LEKR1: variants seen among roughly 807,000 people sequenced by gnomAD.
LEKR1 encodes protein LEKR1.
In LEKR1, 59 loss-of-function variants were observed where a neutral mutation model predicts 72.4. The observed-to-expected ratio is 0.82, with a 90% confidence interval of 0.66 to 1.01. LEKR1 has a LOEUF of 1.01. Among genes scored for constraint, LEKR1 ranks in the 50% least tolerant of loss-of-function variants. The pLI is 0.00. For synonymous variants in LEKR1, 257 were observed against 263.2 expected (o/e 0.98, Z 0.23); for missense variants, 728 against 759.2 (o/e 0.96, Z 0.48).
At chr3:156,878,274 T>C (rs531567214) in intron 3 of LEKR1, among the ~76,000 whole-genome samples, 2 of 152,300 alleles carry the variant, frequency 1.3e-5, no homozygotes, top group East Asian at 3.9e-4. Context: ...GCTATGAACT[T>C]TCCTGTTAAC....
rs138059166 is a variant in LEKR1, at chr3:156,982,839, A to ATG, written c.827+3580_827+3581dup. Among the ~76,000 whole-genome samples, 1,104 of 147,014 alleles carry ATG rather than the reference A, an allele frequency of 7.5e-3. 6 individuals carry two copies. Among genetic ancestry groups the ATG allele is most frequent in the Admixed American group, 0.014 (198 of 14,656 alleles). ...TTATTACTTTCATATATATATGAAT[A>ATG]TGTGTGTGTGTGTGTGTAGATAGAT... On this transcript the variant is annotated intron_variant, in intron 7 of 12. Coordinates refer to ENST00000356539, the MANE Select transcript of LEKR1 (RefSeq NM_001004316.3).
At chr3:156,970,314 A>G (rs985832110) in intron 6 of LEKR1, among the ~76,000 whole-genome samples, 3 of 152,194 alleles carry the variant, frequency 2.0e-5, no homozygotes, top group African/African-American at 7.2e-5. Context: ...TTCAATTAGG[A>G]AAAGAGCTCT....
At chr3:156,972,495 A>AAAAT (rs1263539574) in intron 6 of LEKR1, among the ~76,000 whole-genome samples, 7 of 152,256 alleles carry the variant, frequency 4.6e-5, no homozygotes, top group East Asian at 1.9e-4. Context: ...AAGTATAATA[A>AAAAT]AAATAAATAA....
At chr3:156,893,202 G>A (rs1720832364) in intron 3 of LEKR1, among the ~76,000 whole-genome samples, 1 of 152,110 alleles carries the variant, frequency 6.6e-6, no homozygotes, top group Non-Finnish European at 1.5e-5. Context: ...GACTTCTTGG[G>A]TGAGATTTTT....
At chr3:157,011,047 A>C (rs1485693486) in intron 9 of LEKR1, among the ~76,000 whole-genome samples, 1 of 152,108 alleles carries the variant, frequency 6.6e-6, no homozygotes, top group Non-Finnish European at 1.5e-5. Flanking sequence ...CTATTTTAGA[A>C]TTTAGTCTTA....
intron 3 of LEKR1, among the ~76,000 whole-genome samples, chr3:156,885,801 A>G (rs1254694051): frequency 6.6e-6 from 1 of 152,206 alleles, no homozygotes; most frequent in Admixed American, 6.5e-5. Context: ...GATGGTCAGG[A>G]TGTTGCAGGC....
At chr3:157,044,504 A>G (rs1337040825) in intron 12 of LEKR1, among the ~76,000 whole-genome samples, 1 of 152,224 alleles carries the variant, frequency 6.6e-6, no homozygotes. Flanking sequence ...CTGTCAAGTG[A>G]GATTCAACCC....
intron 9 of LEKR1, 70 bp from the exon 10 acceptor site, chr3:157,011,343 C>G (rs1732868611): frequency 9.7e-7 from 1 of 1,035,868 alleles, no homozygotes; most frequent in African/African-American, 1.6e-5. Context: ...ATCTCCCGAC[C>G]CAGGAACTAC....
At chr3:157,044,899 A>G (rs945298449) in intron 12 of LEKR1, among the ~76,000 whole-genome samples, 1 of 152,204 alleles carries the variant, frequency 6.6e-6, no homozygotes, top group Non-Finnish European at 1.5e-5. Context: ...TTATTATAGT[A>G]TACCTTCACT....
intron 3 of LEKR1, among the ~76,000 whole-genome samples, chr3:156,894,152 C>A (rs1720949849): frequency 6.6e-6 from 1 of 152,184 alleles, no homozygotes. Flanking sequence ...GGGATAGCTC[C>A]TCTGGACAGA....
At chr3:156,878,406 C>A (rs62275190) in intron 3 of LEKR1, among the ~76,000 whole-genome samples, 2 of 152,144 alleles carry the variant, frequency 1.3e-5, no homozygotes, top group Admixed American at 1.3e-4. Flanking sequence ...AAAAGTAGAT[C>A]ACTTAATTTC....
At position 157,045,779 on chromosome 3, in the gene LEKR1, C is replaced by CAGCGTGCACTCTCTGAAAG; in HGVS notation, c.*38_*39insTCTCTGAAAGAGCGTGCAC. The stretch of plus-strand genomic sequence containing the variant: ...AAAATGAGGAGCAGGAAGCTCCCTA[C>CAGCGTGCACTCTCTGAAAG]AGCGTGCACGCTCTTTCAGAGAGTG... On this transcript the variant is annotated 3_prime_UTR_variant, in exon 13 of 13. Transcript: ENST00000356539. The CAGCGTGCACTCTCTGAAAG allele has an allele frequency of 6.3e-7, 1 of 1,586,688 alleles. No individual in the cohort carries two copies. Among genetic ancestry groups the CAGCGTGCACTCTCTGAAAG allele is most frequent in the Non-Finnish European group, 8.6e-7 (1 of 1,167,284 alleles).
chr3:156,996,235 A>AG (rs200724964), intron 9 of LEKR1, among the ~76,000 whole-genome samples: 1 of 152,274 alleles, frequency 6.6e-6, no homozygotes, highest in East Asian at 1.9e-4. Flanking sequence ...AATTGATAGA[A>AG]GAGGTGCCTG....
At chr3:157,021,855 CTA>C (rs1436271612) in intron 10 of LEKR1, among the ~76,000 whole-genome samples, 3 of 151,908 alleles carry the variant, frequency 2.0e-5, no homozygotes, top group African/African-American at 7.3e-5. Flanking sequence ...TATTTAAGAA[CTA>C]TGTGACTATT....
chr3:157,024,713 T>C, intron 10 of LEKR1, 47 bp from the exon 11 acceptor site: 1 of 1,419,860 alleles, frequency 7.0e-7, no homozygotes, highest in Non-Finnish European at 9.7e-7. Context: ...AATGTACTTA[T>C]TTTAAGGTAA....
chr3:156,974,891 G>T (rs1438522346), intron 6 of LEKR1, among the ~76,000 whole-genome samples: 1 of 152,064 alleles, frequency 6.6e-6, no homozygotes, highest in Non-Finnish European at 1.5e-5. Flanking sequence ...TACAAAGATA[G>T]CTACTGGTGA....
chr3:156,827,440 C>T (rs1279573364), intron 1 of LEKR1, among the ~76,000 whole-genome samples: 1 of 152,152 alleles, frequency 6.6e-6, no homozygotes, highest in African/African-American at 2.4e-5. Context: ...CCCCAATTAC[C>T]AGATGAATTA....
chr3:156,876,045 C>T (rs577519316), intron 3 of LEKR1, among the ~76,000 whole-genome samples: 1 of 146,344 alleles, frequency 6.8e-6, no homozygotes, highest in Non-Finnish European at 1.5e-5. Context: ...TATTCTTCTA[C>T]ATGTGGCTTG....
chr3:156,849,377 T>C (rs1444103996), intron 2 of LEKR1, among the ~76,000 whole-genome samples: 2 of 152,176 alleles, frequency 1.3e-5, no homozygotes, highest in South Asian at 4.1e-4. Flanking sequence ...AAGCTACTAA[T>C]GACTTTCTTC....
Sources: gnomAD v4.1 joint callset for allele counts (sites outside exome capture counted in the v4.1 genomes callset) on GRCh38, gnomAD v4.1.1 for gene constraint, MANE v1.5 for transcripts, NCBI Gene and HGNC (gene_info 2026-07-23, HGNC 2026-07-21) for gene names.